DPP9: variants seen among roughly 807,000 people sequenced by gnomAD.
DPP9 encodes dipeptidyl peptidase IV-related protein-2.
Under a neutral mutation model 110.7 loss-of-function variants are expected in DPP9, and 50 were observed. The observed-to-expected ratio is 0.45, with a 90% CI of 0.36 to 0.57. The LOEUF (loss-of-function observed/expected upper bound fraction) is 0.57. DPP9 is among the 20% of genes least tolerant of loss of function. The pLI is 0.00. For synonymous variants in DPP9, 561 were observed against 514.4 expected (o/e 1.09, Z -1.23); for missense variants, 1,022 against 1,217.9 (o/e 0.84, Z 2.39).
rs67323168 is a variant in DPP9 at position 4,694,574 on chromosome 19, T to TG, written c.1516+86dup. 74 of 1,490,306 alleles carry TG rather than the reference T, an allele frequency of 5.0e-5. No homozygotes were observed. The highest frequency in any genetic ancestry group is 1.7e-4 in the Middle Eastern group (1 of 5,802). 92.3% of individuals were successfully genotyped at this position (1,490,306 alleles called of 1,614,324 possible). Reference sequence around the variant, plus strand: ...TCTCCCGCAGGGTGTGCTGGCTGAGTGGGGGGGCCGACCAATGAACAAACA... The same window carrying TG: ...TCTCCCGCAGGGTGTGCTGGCTGAGTGGGGGGGGCCGACCAATGAACAAACA... On this transcript the variant is annotated intron_variant, in intron 13 of 21. Transcript: ENST00000262960. The surrounding 1 kb of genome is among the most constrained non-coding windows in gnomAD (Gnocchi z 4.0).
intron 9 of DPP9, 51 bp downstream of exon 9, chr19:4,701,976 C>A: frequency 6.3e-7 from 1 of 1,592,544 alleles, no homozygotes; most frequent in South Asian, 1.1e-5. Context: ...CAGCCATGCC[C>A]CAGGGGCCTC....
intron 16 of DPP9, chr19:4,688,353 C>T (rs2090990540): frequency 5.5e-6 from 1 of 181,464 alleles, no homozygotes; most frequent in Admixed American, 6.2e-5. Flanking sequence ...AAGCAATCCT[C>T]CTGCCTTGGC....
At chr19:4,696,976 A>G (rs2091856354) in intron 11 of DPP9, among the ~76,000 whole-genome samples, 1 of 151,742 alleles carries the variant, frequency 6.6e-6, no homozygotes, top group Non-Finnish European at 1.5e-5. Context: ...GCGAGTACCT[A>G]TAGTCCCCTC....
In DPP9 at chr19:4,685,699, A is replaced by G; in HGVS notation, c.1958T>C (p.Met653Thr). 2 of 1,613,540 alleles carry G rather than the reference A, an allele frequency of 1.2e-6. No individual in the cohort carries two copies. Among genetic ancestry groups the G allele is most frequent in the Non-Finnish European group, 8.5e-7 (1 of 1,179,828 alleles). ...HTRSDVRLYG[M>T]IYKPHALQPG... The stretch of plus-strand genomic sequence containing the variant: ...CTGCAAGGCGTGGGGCTTGTAGATC[A>G]TGCCGTAGAGCCGCACATCCGAGCG... Residue 653 changes from methionine (M) to threonine (T), a missense_variant, in exon 17 of 22, where the codon ATG (methionine) becomes ACG (threonine). By Grantham distance (81) the Met-to-Thr change is moderately conservative. This residue lies in a region of DPP9 where 810 missense variants were observed against 920.6 expected (regional missense o/e 0.88). Coordinates refer to ENST00000262960, the MANE Select transcript of DPP9 (RefSeq NM_139159.5). The surrounding 1 kb of genome is among the most constrained non-coding windows in gnomAD (Gnocchi z 5.8).
chr19:4,719,676 G>A, intron 3 of DPP9, 175 bp downstream of exon 3: 1 of 736,828 alleles, frequency 1.4e-6, no homozygotes, highest in Non-Finnish European at 2.2e-6. Flanking sequence ...CCGAGGGGGA[G>A]ACCCCGCACT....
chr19:4,708,134 C>T (rs963547391), intron 4 of DPP9, among the ~76,000 whole-genome samples: 1 of 152,192 alleles, frequency 6.6e-6, no homozygotes, highest in African/African-American at 2.4e-5. Flanking sequence ...TTTTTCCCTA[C>T]AGGCTTGAAC....
rs1273003179 is a variant in DPP9 at position 4,683,614 on chromosome 19, C to T, written c.2194G>A (p.Glu732Lys). 1.9e-6 allele frequency: 3 copies of T among 1,611,556 alleles called. No individual in the cohort carries two copies. The highest frequency in any genetic ancestry group is 1.1e-5 in the South Asian group (1 of 90,994). The change falls in exon 19 of 22, where the codon GAG becomes AAG. Residue 732 changes from glutamate (E) to lysine (K), a missense_variant. Physicochemically the swap from Glu to Lys is moderately conservative, Grantham distance 56. Coordinates refer to ENST00000262960, the MANE Select transcript of DPP9 (RefSeq NM_139159.5). Reference sequence around the variant, plus strand: ...AACTGCAGGCCCTCCACCTGGTCCTCGATCTCCACCTGGCCCTGAGGGATG... The same window carrying T: ...AACTGCAGGCCCTCCACCTGGTCCTTGATCTCCACCTGGCCCTGAGGGATG... Reference protein sequence around the residue: ...LKNQMGQVEIEDQVEGLQFVA... With the variant: ...LKNQMGQVEIKDQVEGLQFVA...
At chr19:4,699,756 C>T (rs570758957) in intron 10 of DPP9, among the ~76,000 whole-genome samples, 7 of 152,232 alleles carry the variant, frequency 4.6e-5, no homozygotes, top group East Asian at 3.9e-4. Context: ...CTGACGGGTC[C>T]GGTGAACGGA....
chr19:4,680,510 G>A (rs1014389590), intron 20 of DPP9, among the ~76,000 whole-genome samples: 4 of 151,924 alleles, frequency 2.6e-5, no homozygotes, highest in African/African-American at 9.7e-5. Context: ...CCAGTTGTTT[G>A]AGACCAGCCT....
chr19:4,702,543 C>G, intron 8 of DPP9, 60 bp downstream of exon 8: 1 of 1,300,116 alleles, frequency 7.7e-7, no homozygotes, highest in South Asian at 1.3e-5. Context: ...AAGGACACAG[C>G]CTGTGATTCC....
Position 4,695,839 on chromosome 19 carries a change from A to G in DPP9, c.1176-284T>C, listed in dbSNP as rs1164732859. ...CAAGCTCTAATAGTTTCTCCTCTTCACTGACTCTTCGGCCCACAGTCGCTA... is the reference window on the plus strand; with the variant it reads ...CAAGCTCTAATAGTTTCTCCTCTTCGCTGACTCTTCGGCCCACAGTCGCTA... On this transcript the variant is annotated intron_variant, in intron 11 of 21. Coordinates refer to ENST00000262960, the MANE Select transcript of DPP9 (RefSeq NM_139159.5). The surrounding 1 kb of genome is among the most constrained non-coding windows in gnomAD (Gnocchi z 4.7). Among the ~76,000 whole-genome samples the G allele has an allele frequency of 1.3e-5, 2 of 152,024 alleles. No homozygotes were observed. Among genetic ancestry groups the G allele is most frequent in the African/African-American group, 2.4e-5 (1 of 41,400 alleles).
chr19:4,692,033 C>T (rs2091375126), intron 13 of DPP9, among the ~76,000 whole-genome samples: 1 of 151,994 alleles, frequency 6.6e-6, no homozygotes, highest in Non-Finnish European at 1.5e-5. Flanking sequence ...GTTGCCCAGG[C>T]TGGTCTTAAA....
intron 9 of DPP9, among the ~76,000 whole-genome samples, chr19:4,701,435 T>G (rs1025218959): frequency 3.9e-4 from 60 of 152,262 alleles, no homozygotes; most frequent in Middle Eastern, 3.4e-3. Context: ...ACCACTGTAC[T>G]CCTGCCTGAG....
intron 1 of DPP9, among the ~76,000 whole-genome samples, 181 bp downstream of exon 1, chr19:4,723,493 G>C (rs1409169578): frequency 6.6e-6 from 1 of 152,208 alleles, no homozygotes; most frequent in Non-Finnish European, 1.5e-5. Flanking sequence ...GTGGAGGAGG[G>C]CCTGGGGCGG....
At position 4,704,087 on chromosome 19, in the gene DPP9, G is replaced by A. The variant is rs1174790316; in HGVS notation, c.601-33C>T. 2 of 1,613,568 alleles carry A rather than the reference G, an allele frequency of 1.2e-6. No individual in the cohort carries two copies. Among genetic ancestry groups the A allele is most frequent in the East Asian group, 4.5e-5 (2 of 44,868 alleles). Reference sequence around the variant, plus strand: ...CAGAGACGCCCAGCTCAGGGGGAGGGGCCCTCCACGCCACCCCCGCACACA... The same window carrying A: ...CAGAGACGCCCAGCTCAGGGGGAGGAGCCCTCCACGCCACCCCCGCACACA... On this transcript the variant is annotated intron_variant, in intron 6 of 21. Transcript: ENST00000262960. The surrounding 1 kb of genome is among the most constrained non-coding windows in gnomAD (Gnocchi z 6.0).
At chr19:4,708,890 G>A (rs572723613) in intron 4 of DPP9, among the ~76,000 whole-genome samples, 1 of 152,260 alleles carries the variant, frequency 6.6e-6, no homozygotes, top group African/African-American at 2.4e-5. Flanking sequence ...TTTACCCAAA[G>A]AACAAACCGG....
intron 4 of DPP9, among the ~76,000 whole-genome samples, chr19:4,707,524 TC>T (rs1463198475): frequency 2.7e-5 from 4 of 150,136 alleles, no homozygotes; most frequent in African/African-American, 4.9e-5. Flanking sequence ...CCCTGGCCCC[TC>T]CTTGCTCTAC....
chr19:4,700,159 C>T lies in DPP9; in HGVS notation c.1074+57G>A. The T allele has an allele frequency of 7.1e-7, 1 of 1,408,652 alleles. No individual in the cohort carries two copies. Among genetic ancestry groups the T allele is most frequent in the South Asian group, 1.5e-5 (1 of 68,930 alleles). The allele number at this position is 1,408,652 out of a possible 1,614,324, so 87.3% of individuals were successfully genotyped here. A position where few individuals can be genotyped will look rare whatever the true frequency, so the allele number is the denominator to read the frequency against. ...ACCTGCCCATCCACCCAGCTGCCTA[C>T]CCGGCCCTTCCCCGCATCATCTAGT... On this transcript the variant is annotated intron_variant, in intron 10 of 21. Coordinates refer to ENST00000262960, the MANE Select transcript of DPP9 (RefSeq NM_139159.5). This position sits in a 1 kb window ranked among gnomAD's most constrained non-coding sequence, Gnocchi z 4.3.
At chr19:4,692,835 G>A (rs2091447532) in intron 13 of DPP9, among the ~76,000 whole-genome samples, 1 of 152,178 alleles carries the variant, frequency 6.6e-6, no homozygotes, top group Non-Finnish European at 1.5e-5. Context: ...GCCGAAGACA[G>A]CTCCCCTTTG....
Sources: allele counts gnomAD v4.1 joint callset (sites outside exome capture counted in the v4.1 genomes callset), GRCh38; gene constraint gnomAD v4.1.1; regional missense constraint gnomAD v4.1.1; non-coding constraint Gnocchi (gnomAD v3.1); transcripts MANE v1.5; gene names NCBI Gene and HGNC (gene_info 2026-07-23, HGNC 2026-07-21).